The following ANKRD11 variants were observed in gnomAD, a reference collection of about 807,000 sequenced individuals.
ANKRD11 encodes ankyrin repeat domain-containing protein 11.
ANKRD11 carries 17 observed loss-of-function variants against 195.7 expected under a neutral mutation model. That is an observed-to-expected ratio of 0.09 (90% confidence interval 0.06 to 0.13). The LOEUF is 0.13. Ranked by LOEUF, ANKRD11 falls within the 10% of genes least tolerant of loss-of-function variation. The probability of loss-of-function intolerance (pLI) is 1.00; values close to 1 mark genes in which losing one functional copy is unlikely to be tolerated. For missense variants in ANKRD11, 3,735 were observed against 3,566.1 expected (o/e 1.05, Z -1.21); for synonymous variants, 1,953 against 1,528.1 (o/e 1.28, Z -6.49).
In ANKRD11 at chr16:89,281,752, C is replaced by T. The variant is rs1233259518; in HGVS notation, c.4790G>A (p.Arg1597His). Residue 1597 changes from arginine (R) to histidine (H), a missense_variant, in exon 9 of 13, where the codon CGC becomes CAC. By Grantham distance (29) the Arg-to-His change is conservative. Transcript: ENST00000301030. The surrounding 1 kb of genome is among the most constrained non-coding windows in gnomAD (Gnocchi z 5.5). ...CATCCTCTCCTTGTGCCGCTTGTGG[C>T]GCTCCTCGATCTCCAGGTCCTTCTG... is the stretch of plus-strand genomic sequence containing the variant. ...LSQKDLEIEE[R>H]HKRHKERMKQ... 3 of 1,613,896 alleles carry T rather than the reference C, an allele frequency of 1.9e-6. No homozygotes were observed. The highest frequency in any genetic ancestry group is 1.7e-5 in the Admixed American group (1 of 60,004).
chr16:89,484,327 G>A (rs143134363), intron 1 of ANKRD11, among the ~76,000 whole-genome samples: 188 of 152,180 alleles, frequency 1.2e-3, no homozygotes, highest in African/African-American at 4.3e-3. Context: ...CCTTCACTGC[G>A]TCTTACCTTC....
In ANKRD11 at chr16:89,433,676, C is replaced by T. The variant is rs537030082; in HGVS notation, c.-144-15308G>A. Among the ~76,000 whole-genome samples, 313 of 149,824 alleles carry T rather than the reference C, an allele frequency of 2.1e-3. 3 individuals carry two copies. Among genetic ancestry groups the T allele is most frequent in the Non-Finnish European group, 5.5e-4 (37 of 67,424 alleles). ...CTTCACGAGAGTAAGAGAGAAGGAA[C>T]GGGCTTGGACGCAGCAGGGCTGGGC... On this transcript the variant is annotated intron_variant, in intron 1 of 12. Transcript: ENST00000301030.
intron 1 of ANKRD11, among the ~76,000 whole-genome samples, chr16:89,428,145 T>G (rs1046177114): frequency 6.6e-6 from 1 of 151,936 alleles, no homozygotes; most frequent in Non-Finnish European, 1.5e-5. Context: ...GAGGCAGAGG[T>G]TGCAGTGAGC....
chr16:89,312,051 C>T (rs370160652), intron 3 of ANKRD11, among the ~76,000 whole-genome samples: 1 of 152,184 alleles, frequency 6.6e-6, no homozygotes, highest in East Asian at 1.9e-4. Flanking sequence ...GCATGCAACA[C>T]CATGCCCAGA....
chr16:89,426,044 AC>A (rs1167837485), intron 1 of ANKRD11, among the ~76,000 whole-genome samples: 1 of 151,968 alleles, frequency 6.6e-6, no homozygotes, highest in Non-Finnish European at 1.5e-5. Context: ...TAGGAATCAA[AC>A]TCCTCTGCTA....
At chr16:89,312,041 G>A (rs527808131) in intron 3 of ANKRD11, among the ~76,000 whole-genome samples, 1 of 152,160 alleles carries the variant, frequency 6.6e-6, no homozygotes, top group Non-Finnish European at 1.5e-5. Flanking sequence ...GGGATTACAG[G>A]CATGCAACAC....
Position 89,269,696 on chromosome 16 carries a change from C to T in ANKRD11, c.7807-1033G>A, listed in dbSNP as rs547015362. Among the ~76,000 whole-genome samples the T allele has an allele frequency of 7.9e-5, 12 of 152,108 alleles. No individual in the cohort carries two copies. In the South Asian group the frequency reaches 2.1e-3, roughly 26 times the overall value. On this transcript the variant is annotated intron_variant, in intron 12 of 12. Transcript: ENST00000301030. ...TTGGCTTACTGCAACCTCTGTCTCCCGGGTTCAAATGATTCTCATGCCTCA... is the reference window on the plus strand; with the variant it reads ...TTGGCTTACTGCAACCTCTGTCTCCTGGGTTCAAATGATTCTCATGCCTCA...
chr16:89,303,273 A>G (rs2036868416), intron 4 of ANKRD11, among the ~76,000 whole-genome samples: 1 of 152,206 alleles, frequency 6.6e-6, no homozygotes, highest in Non-Finnish European at 1.5e-5. Flanking sequence ...ACAGCTACGT[A>G]TCAACATGAC....
At chr16:89,429,734 G>A (rs1430001097) in intron 1 of ANKRD11, among the ~76,000 whole-genome samples, 2 of 62,050 alleles carry the variant, frequency 3.2e-5, no homozygotes, top group Non-Finnish European at 6.6e-5. Context: ...CAACTCTCAC[G>A]CTCAGTCGTT....
chr16:89,313,454 T>C, intron 3 of ANKRD11: 1 of 1,289,192 alleles, frequency 7.8e-7, no homozygotes, highest in South Asian at 1.2e-5. Flanking sequence ...CGCCTGCCAC[T>C]GTGCTCACTG....
chr16:89,358,214 C>T (rs908385949), intron 2 of ANKRD11, among the ~76,000 whole-genome samples: 10 of 152,242 alleles, frequency 6.6e-5, no homozygotes, highest in Admixed American at 3.3e-4. Context: ...AGCCCCCACA[C>T]CTCACTCTGG....
At chr16:89,386,840 C>T (rs531104217) in intron 2 of ANKRD11, among the ~76,000 whole-genome samples, 17 of 152,312 alleles carry the variant, frequency 1.1e-4, no homozygotes, top group African/African-American at 3.8e-4. Context: ...AGACTCAGTC[C>T]TATCACAGCC....
In ANKRD11 at chr16:89,339,499, G is replaced by C. The variant is rs1321115869; in HGVS notation, c.-59-22421C>G. On this transcript the variant is annotated intron_variant, in intron 2 of 12. Coordinates refer to ENST00000301030, the MANE Select transcript of ANKRD11 (RefSeq NM_013275.6). The stretch of plus-strand genomic sequence containing the variant: ...TGCACGCAGCGCATGTGAAGAGTCA[G>C]ATATAAAGGTGGCTCTTTCACAAAC... 3.3e-5 allele frequency among the ~76,000 whole-genome samples: 5 copies of C among 152,186 alleles called. 1 individual carries two copies. Among genetic ancestry groups the C allele is most frequent in the Non-Finnish European group, 5.9e-5 (4 of 68,040 alleles).
chr16:89,436,084 C>G (rs1451157989), intron 1 of ANKRD11, among the ~76,000 whole-genome samples: 1 of 152,112 alleles, frequency 6.6e-6, no homozygotes, highest in African/African-American at 2.4e-5. Flanking sequence ...AAAGATTCCC[C>G]ATTTGGGAAA....
In ANKRD11 at chr16:89,270,801, G is replaced by A. The variant is rs746061270; in HGVS notation, c.7806+16C>T. 4.3e-6 allele frequency: 7 copies of A among 1,612,058 alleles called. No individual in the cohort carries two copies. The highest frequency in any genetic ancestry group is 5.9e-6 in the Non-Finnish European group (7 of 1,179,570). ...AGCCTCCCCCAGGCAGAACTGAGGG[G>A]ACGCGCAACACCGACCTTCATGCGG... is the stretch of plus-strand genomic sequence containing the variant. On this transcript the variant is annotated intron_variant, in intron 12 of 12. Transcript: ENST00000301030.
chr16:89,348,789 C>T (rs2039060323), intron 2 of ANKRD11, among the ~76,000 whole-genome samples: 1 of 151,860 alleles, frequency 6.6e-6, no homozygotes, highest in South Asian at 2.1e-4. Context: ...CAGCAATGTC[C>T]CTTTTCTCAT....
At chr16:89,392,382 G>A (rs2041237721) in intron 2 of ANKRD11, 1 of 152,228 alleles carries the variant, frequency 6.6e-6, no homozygotes, top group African/African-American at 2.4e-5. Context: ...TTCATTACCT[G>A]TATAAGGGAG....
At chr16:89,485,502 A>C (rs1336108565) in intron 1 of ANKRD11, among the ~76,000 whole-genome samples, 1 of 151,970 alleles carries the variant, frequency 6.6e-6, no homozygotes, top group African/African-American at 2.4e-5. Context: ...AACAAAACAA[A>C]ACTGTGAGGT....
intron 2 of ANKRD11, among the ~76,000 whole-genome samples, chr16:89,371,686 G>A (rs1364065518): frequency 6.6e-6 from 1 of 152,166 alleles, no homozygotes; most frequent in African/African-American, 2.4e-5. Context: ...ACCCCCTCAG[G>A]ATGACTAGAT....
Sources: allele counts gnomAD v4.1 joint callset (sites outside exome capture counted in the v4.1 genomes callset), GRCh38; gene constraint gnomAD v4.1.1; non-coding constraint Gnocchi (gnomAD v3.1); transcripts MANE v1.5; gene names NCBI Gene and HGNC (gene_info 2026-07-23, HGNC 2026-07-21).